The following LINS1 variants were observed in gnomAD, a reference collection of about 807,000 sequenced individuals.
LINS1 encodes the protein lines homolog 1, also known as protein Lines homolog 1.
A neutral mutation model predicts 41.6 loss-of-function variants in LINS1; 27 were observed. The observed-to-expected ratio is 0.65, with a 90% CI of 0.48 to 0.89. The LOEUF (loss-of-function observed/expected upper bound fraction) is 0.89. Ranked by LOEUF, LINS1 falls within the 40% of genes least tolerant of loss-of-function variation. LINS1 has a pLI of 0.00. For missense variants in LINS1, 955 were observed against 884.1 expected, an observed-to-expected ratio of 1.08 and a Z score of -1.02; for synonymous variants, 336 against 312.9, an observed-to-expected ratio of 1.07 and a Z score of -0.78.
chr15:100,584,453 G>C (rs548219297), intron 1 of LINS1, among the ~76,000 whole-genome samples: 43 of 152,226 alleles, frequency 2.8e-4, no homozygotes, highest in African/African-American at 8.2e-4. Flanking sequence ...GGAGTAGATG[G>C]GCTGTTTTCT....
intron 1 of LINS1, among the ~76,000 whole-genome samples, chr15:100,595,569 A>G (rs1317708967): frequency 6.6e-6 from 1 of 152,234 alleles, no homozygotes; most frequent in Non-Finnish European, 1.5e-5. Context: ...GTGAGAATGA[A>G]AAACGGCACA....
intron 1 of LINS1, among the ~76,000 whole-genome samples, chr15:100,587,648 T>C (rs117633599): frequency 0.016 from 2,500 of 152,282 alleles, 37 homozygotes; most frequent in Middle Eastern, 0.071. Context: ...CTGTTTCCTA[T>C]GTGTTTTTAG....
intron 1 of LINS1, among the ~76,000 whole-genome samples, chr15:100,587,151 C>G (rs2038838385): frequency 1.4e-5 from 1 of 73,036 alleles, no homozygotes; most frequent in South Asian, 5.5e-4. Context: ...GAGGGAGACT[C>G]TGTCTTAAAA....
chr15:100,582,388 G>A lies in LINS1; in HGVS notation c.-103-1443C>T, dbSNP rs1248282045. 1.5e-5 allele frequency among the ~76,000 whole-genome samples: 2 copies of A among 135,866 alleles called. 1 individual carries two copies. Among genetic ancestry groups the A allele is most frequent in the East Asian group, 5.1e-4 (2 of 3,918 alleles). The allele number at this position is 135,866 out of a possible 152,430, so 89.1% of individuals were successfully genotyped here. A position where few individuals can be genotyped will look rare whatever the true frequency, so the allele number is the denominator to read the frequency against. On this transcript the variant is annotated intron_variant, in intron 1 of 6. Transcript: ENST00000314742. ...TAGCCTAGTCTTGGTCTTACACTGGGTCTTCCATCTACACTATGGCCCACT... is the reference window on the plus strand; with the variant it reads ...TAGCCTAGTCTTGGTCTTACACTGGATCTTCCATCTACACTATGGCCCACT...
rs3084804 is a variant in LINS1, at chr15:100,570,167, AAC to A, written c.1395-52_1395-51del. Reference sequence around the variant, plus strand: ...GCAGATTAATGACCTTACAAAAATAAACAGTTTTACCAGATATAATTCACATA... The same window carrying A: ...GCAGATTAATGACCTTACAAAAATAAAGTTTTACCAGATATAATTCACATA... On this transcript the variant is annotated intron_variant, in intron 6 of 6. Transcript: ENST00000314742. The A allele has an allele frequency of 0.42, 603,237 of 1,423,586 alleles. 133,316 individuals are homozygous for A. The highest frequency in any genetic ancestry group is 0.46 in the Non-Finnish European group (477,020 of 1,038,312). 88.2% of individuals were successfully genotyped at this position (1,423,586 alleles called of 1,614,324 possible).
rs2038502105 is a variant in LINS1 at position 100,580,778 on chromosome 15, T to C, written c.65A>G (p.Glu22Gly). 7 of 1,610,062 alleles carry C rather than the reference T, an allele frequency of 4.3e-6. No individual in the cohort carries two copies. The highest frequency in any genetic ancestry group is 5.9e-6 in the Non-Finnish European group (7 of 1,177,230). ...YKKVLLGATL[E>G]NDSHDYIFYL... ...AAAGATGTAATCATGGCTGTCATTT[T>C]CAAGTGTGGCTCCAAGAAGTACCTT... The change falls in exon 2 of 7, where the codon GAA (glutamate) becomes GGA (glycine). Residue 22 changes from glutamate (E) to glycine (G), a missense_variant. Coordinates refer to ENST00000314742, the MANE Select transcript of LINS1 (RefSeq NM_001040616.3).
intron 5 of LINS1, 171 bp downstream of exon 5, chr15:100,573,478 TAA>T: frequency 1.2e-6 from 1 of 838,660 alleles, no homozygotes; most frequent in Non-Finnish European, 1.7e-6. Flanking sequence ...ACATGTTTCT[TAA>T]AGGTAAATCC....
rs1198565411 is a variant in LINS1, at chr15:100,568,106, A to G, written c.*1132T>C. The G allele has an allele frequency of 1.3e-5, 2 of 152,186 alleles. No individual in the cohort carries two copies. The highest frequency in any genetic ancestry group is 4.8e-5 in the African/African-American group (2 of 41,460). 9.4% of individuals were successfully genotyped at this position (152,186 alleles called of 1,614,324 possible). On this transcript the variant is annotated 3_prime_UTR_variant, in exon 7 of 7. Coordinates refer to ENST00000314742, the MANE Select transcript of LINS1 (RefSeq NM_001040616.3). ...CGGCTTCCCCTCAAGAATATGGAAC[A>G]TAATTATTCATGTCACAATTTTAAA...
intron 1 of LINS1, among the ~76,000 whole-genome samples, chr15:100,582,295 G>A (rs60108985): frequency 0.016 from 2,155 of 131,894 alleles, 208 homozygotes; most frequent in African/African-American, 0.059. Context: ...TGGGTCTTCC[G>A]TCTACACTAT....
At chr15:100,572,798 T>C (rs903147329) in intron 5 of LINS1, 2 of 956,640 alleles carry the variant, frequency 2.1e-6, no homozygotes, top group Non-Finnish European at 2.5e-6. Context: ...TTCTGGAAAT[T>C]ATATATGTAA....
chr15:100,585,587 C>T (rs752808728), intron 1 of LINS1, among the ~76,000 whole-genome samples: 30 of 152,244 alleles, frequency 2.0e-4, no homozygotes, highest in Non-Finnish European at 3.4e-4. Context: ...TTATCTATTG[C>T]GGCAAACAAA....
intron 1 of LINS1, among the ~76,000 whole-genome samples, chr15:100,587,157 TAAAAAA>T (rs56781451): frequency 7.3e-5 from 5 of 68,274 alleles, no homozygotes; most frequent in African/African-American, 1.1e-4. Flanking sequence ...GACTCTGTCT[TAAAAAA>T]AAAAAAAAAA....
intron 1 of LINS1, among the ~76,000 whole-genome samples, chr15:100,586,968 G>A (rs1204548288): frequency 6.6e-6 from 1 of 151,810 alleles, no homozygotes; most frequent in Non-Finnish European, 1.5e-5. Flanking sequence ...AGACCATCCT[G>A]GCCAAAATGG....
intron 1 of LINS1, among the ~76,000 whole-genome samples, chr15:100,587,561 T>G (rs1042313125): frequency 6.6e-6 from 1 of 152,212 alleles, no homozygotes. Flanking sequence ...TGGGCTTTGC[T>G]CGTGTATGCA....
intron 1 of LINS1, among the ~76,000 whole-genome samples, chr15:100,600,951 C>T (rs1230875088): frequency 6.6e-6 from 1 of 152,202 alleles, no homozygotes; most frequent in African/African-American, 2.4e-5. Flanking sequence ...GGCGTCTTCT[C>T]ATCTCTATGC....
Position 100,575,133 on chromosome 15 carries a change from A to C in LINS1, c.490-5T>G. The C allele has an allele frequency of 6.2e-7, 1 of 1,609,202 alleles. No homozygotes were observed. The highest frequency in any genetic ancestry group is 8.5e-7 in the Non-Finnish European group (1 of 1,177,872). ...CCAGGAATTACTTAAGGTTATCTAC[A>C]AGTGAGAAAATAAAGCAAGCAGTTA... is the stretch of plus-strand genomic sequence containing the variant. On this transcript the variant is annotated splice_polypyrimidine_tract_variant and splice_region_variant and intron_variant, in intron 3 of 6. Transcript: ENST00000314742.
intron 1 of LINS1, among the ~76,000 whole-genome samples, chr15:100,585,573 T>A (rs2038765305): frequency 6.6e-6 from 1 of 152,218 alleles, no homozygotes; most frequent in South Asian, 2.1e-4. Flanking sequence ...CAGCCTTCAC[T>A]GGATTATCTA....
chr15:100,588,705 C>A (rs1437414370), intron 1 of LINS1, among the ~76,000 whole-genome samples: 3 of 152,104 alleles, frequency 2.0e-5, no homozygotes, highest in South Asian at 4.2e-4. Context: ...ATTAGCCATG[C>A]CCTCTAGCTA....
chr15:100,599,356 C>T (rs532450558), intron 1 of LINS1, among the ~76,000 whole-genome samples: 117 of 152,266 alleles, frequency 7.7e-4, no homozygotes, highest in African/African-American at 2.6e-3. Flanking sequence ...TTAAAATTAC[C>T]TAGTAGCACA....
Sources: gnomAD v4.1 joint callset for allele counts (sites outside exome capture counted in the v4.1 genomes callset) on GRCh38, gnomAD v4.1.1 for gene constraint, MANE v1.5 for transcripts, NCBI Gene and HGNC (gene_info 2026-07-23, HGNC 2026-07-21) for gene names.